NRG1: variants seen among roughly 807,000 people sequenced by gnomAD.
NRG1 encodes the protein neuregulin 1.
Under a neutral mutation model 63.8 loss-of-function variants are expected in NRG1, and 18 were observed. That is an observed-to-expected ratio of 0.28 (90% confidence interval 0.19 to 0.42). The LOEUF is 0.42. Among genes scored for constraint, NRG1 ranks in the 10% least tolerant of loss-of-function variants. The pLI is 1.00. For missense variants in NRG1, 762 were observed against 814.7 expected (o/e 0.94, Z 0.79); for synonymous variants, 302 against 301.3 (o/e 1.00, Z -0.02).
chr8:32,378,499 C>T (rs1809912705), intron 1 of NRG1, among the ~76,000 whole-genome samples: 1 of 152,104 alleles, frequency 6.6e-6, no homozygotes, highest in South Asian at 2.1e-4. Flanking sequence ...CAATTTATAG[C>T]ACCTAAGAGC....
intron 1 of NRG1, among the ~76,000 whole-genome samples, chr8:32,566,926 T>A (rs537917462): frequency 5.3e-5 from 8 of 152,288 alleles, no homozygotes; most frequent in Non-Finnish European, 1.0e-4. Flanking sequence ...CGATCTCAGC[T>A]CACTACAACC....
At chr8:32,601,249 G>A (rs926827721) in intron 2 of NRG1, among the ~76,000 whole-genome samples, 2 of 152,102 alleles carry the variant, frequency 1.3e-5, no homozygotes, top group African/African-American at 4.8e-5. Flanking sequence ...AACACTTTCT[G>A]TGTGATATTT....
intron 1 of NRG1, among the ~76,000 whole-genome samples, chr8:31,796,960 T>C (rs914212122): frequency 1.3e-5 from 2 of 152,172 alleles, no homozygotes; most frequent in African/African-American, 2.4e-5. Flanking sequence ...AGGGTCAGTA[T>C]AGGCAAACTC....
chr8:31,813,519 T>TC (rs1823114312), intron 1 of NRG1, among the ~76,000 whole-genome samples: 1 of 116,112 alleles, frequency 8.6e-6, no homozygotes, highest in South Asian at 3.0e-4. Context: ...TTCTTTTCTT[T>TC]TTTTTTTTTT....
At chr8:32,536,836 A>G (rs1419205438) in intron 1 of NRG1, among the ~76,000 whole-genome samples, 2 of 136,622 alleles carry the variant, frequency 1.5e-5, no homozygotes, top group African/African-American at 5.5e-5. Flanking sequence ...AGGCAGAAGA[A>G]TGGTGTGAAC....
At chr8:32,589,761 A>G (rs1842198698) in intron 1 of NRG1, among the ~76,000 whole-genome samples, 1 of 152,248 alleles carries the variant, frequency 6.6e-6, no homozygotes, top group Admixed American at 6.5e-5. Flanking sequence ...AGCTGCACGA[A>G]TAATATTTGA....
At chr8:32,035,588 A>G (rs969026269) in intron 1 of NRG1, among the ~76,000 whole-genome samples, 1 of 152,164 alleles carries the variant, frequency 6.6e-6, no homozygotes, top group Non-Finnish European at 1.5e-5. Flanking sequence ...GTCTCTTTGT[A>G]TGTCTCAACT....
At chr8:32,509,443 C>T (rs1828922802) in intron 1 of NRG1, among the ~76,000 whole-genome samples, 1 of 152,036 alleles carries the variant, frequency 6.6e-6, no homozygotes, top group Admixed American at 6.6e-5. Context: ...AAAAAAAATA[C>T]TTAAGACTTT....
Position 31,883,870 on chromosome 8 carries a change from A to G in NRG1, c.37+244439A>G, listed in dbSNP as rs142519879. ...AGTTTTGACGGAATGGTCTCTTAATAGAATTCTTGTGATTCTGTAACATCT... is the reference window on the plus strand; with the variant it reads ...AGTTTTGACGGAATGGTCTCTTAATGGAATTCTTGTGATTCTGTAACATCT... On this transcript the variant is annotated intron_variant, in intron 1 of 10. Transcript: ENST00000519301. Among the ~76,000 whole-genome samples, 147 of 152,218 alleles carry G rather than the reference A, an allele frequency of 9.7e-4. 2 individuals carry two copies. The highest frequency in any genetic ancestry group is 1.6e-3 in the Non-Finnish European group (108 of 68,004).
chr8:31,923,025 T>G (rs1834039647), intron 1 of NRG1, among the ~76,000 whole-genome samples: 1 of 152,074 alleles, frequency 6.6e-6, no homozygotes, highest in African/African-American at 2.4e-5. Context: ...CAAGGAAGAA[T>G]GAATAGAAAG....
chr8:32,691,862 C>T (rs1210734617), intron 5 of NRG1, among the ~76,000 whole-genome samples: 1 of 152,108 alleles, frequency 6.6e-6, no homozygotes, highest in Non-Finnish European at 1.5e-5. Flanking sequence ...ATTTGGGTTG[C>T]TTTCTGCCTT....
At chr8:32,619,361 G>A (rs151237305) in intron 5 of NRG1, among the ~76,000 whole-genome samples, 227 of 152,268 alleles carry the variant, frequency 1.5e-3, no homozygotes, top group Middle Eastern at 0.01. Flanking sequence ...TGGAGTAGAA[G>A]GAACAAAGGG....
intron 1 of NRG1, among the ~76,000 whole-genome samples, chr8:32,045,418 A>G (rs550703149): frequency 6.6e-6 from 1 of 151,988 alleles, no homozygotes; most frequent in Non-Finnish European, 1.5e-5. Context: ...GTTGATCTAT[A>G]GATTTAATGC....
chr8:32,772,041 GTATATATATATATATATATATATATATA>G (rs1157977487), downstream of NRG1, among the ~76,000 whole-genome samples: 3 of 10,558 alleles, frequency 2.8e-4, no homozygotes, highest in African/African-American at 6.3e-4. Context: ...AAAAAAATAT[GTATATATATATATATATATATATATATA>G]TATATATATA....
At chr8:32,056,362 G>C (rs1352942090) in intron 1 of NRG1, among the ~76,000 whole-genome samples, 13 of 152,124 alleles carry the variant, frequency 8.5e-5, no homozygotes. Flanking sequence ...TACTGCTTTA[G>C]TCGCTGTGAC....
chr8:32,146,660 TG>T (rs1307176804), intron 1 of NRG1, among the ~76,000 whole-genome samples: 1 of 152,178 alleles, frequency 6.6e-6, no homozygotes, highest in African/African-American at 2.4e-5. Flanking sequence ...CTTGATTGTT[TG>T]GTATCATTAA....
chr8:31,811,888 A>G (rs999410059), intron 1 of NRG1, among the ~76,000 whole-genome samples: 11 of 152,144 alleles, frequency 7.2e-5, no homozygotes, highest in African/African-American at 2.4e-4. Flanking sequence ...GTGTTAATCT[A>G]TATATTGAAT....
At chr8:31,732,495 A>T (rs559410443) in intron 1 of NRG1, among the ~76,000 whole-genome samples, 37 of 152,214 alleles carry the variant, frequency 2.4e-4, no homozygotes, top group South Asian at 4.2e-4. Context: ...TTATTTTTTT[A>T]AAAAAATTAT....
intron 1 of NRG1, among the ~76,000 whole-genome samples, chr8:31,733,150 T>TTTG (rs1814281033): frequency 7.0e-6 from 1 of 143,284 alleles, no homozygotes; most frequent in Admixed American, 6.8e-5. Flanking sequence ...TTTATTCTGT[T>TTTG]TTTTTTTTTT....
Sources: gnomAD v4.1 joint callset for allele counts (sites outside exome capture counted in the v4.1 genomes callset) on GRCh38, gnomAD v4.1.1 for gene constraint, MANE v1.5 for transcripts, NCBI Gene and HGNC (gene_info 2026-07-23, HGNC 2026-07-21) for gene names.